The following SCHIP1 variants were observed in gnomAD, a reference collection of about 807,000 sequenced individuals.
SCHIP1 encodes the protein schwannomin interacting protein 1.
A neutral mutation model predicts 29.7 loss-of-function variants in SCHIP1; 8 were observed. That is an observed-to-expected ratio of 0.27 (90% CI 0.16 to 0.49). The LOEUF (loss-of-function observed/expected upper bound fraction) is 0.49, where lower values mean the gene tolerates loss of function less well. Ranked by LOEUF, SCHIP1 falls within the 20% of genes least tolerant of loss-of-function variation. SCHIP1 has a pLI of 0.99. For missense variants in SCHIP1, 193 were observed against 294.6 expected (o/e 0.66, Z 2.52); for synonymous variants, 76 against 94.9 (o/e 0.80, Z 1.16).
the SCHIP1 span, among the ~76,000 whole-genome samples, chr3:159,405,743 C>A: frequency 6.6e-6 from 1 of 151,894 alleles, no homozygotes; most frequent in East Asian, 1.9e-4. Context: ...ATTAGCTGGG[C>A]ATGGTGGCAC....
the SCHIP1 span, among the ~76,000 whole-genome samples, chr3:159,488,009 A>G: frequency 6.6e-6 from 1 of 152,200 alleles, no homozygotes; most frequent in Non-Finnish European, 1.5e-5. Context: ...GGGGGCAGGA[A>G]TTGTGCTTTT....
the SCHIP1 span, among the ~76,000 whole-genome samples, chr3:159,372,470 A>G: frequency 6.6e-6 from 1 of 152,134 alleles, no homozygotes; most frequent in East Asian, 1.9e-4. Flanking sequence ...TGCATTTTTT[A>G]GGATTTTAAA....
At chr3:159,606,308 G>A in the SCHIP1 span, among the ~76,000 whole-genome samples, 1 of 152,028 alleles carries the variant, frequency 6.6e-6, no homozygotes. Context: ...AAAGTGGGAA[G>A]GAGATGTATA....
chr3:159,492,288 A>C, the SCHIP1 span, among the ~76,000 whole-genome samples: 1 of 152,326 alleles, frequency 6.6e-6, no homozygotes, highest in African/African-American at 2.4e-5. Flanking sequence ...AGGCTTCAGA[A>C]GATCAAACTA....
chr3:159,555,781 C>T, the SCHIP1 span, among the ~76,000 whole-genome samples: 1 of 152,160 alleles, frequency 6.6e-6, no homozygotes, highest in Non-Finnish European at 1.5e-5. Flanking sequence ...TAATCTTGGA[C>T]ACATGTTTCT....
chr3:159,353,134 C>A, the SCHIP1 span, among the ~76,000 whole-genome samples: 2 of 151,972 alleles, frequency 1.3e-5, no homozygotes, highest in South Asian at 4.1e-4. Context: ...CAGCTAGTTG[C>A]CCCTGTACAT....
At chr3:159,274,012 C>A in the SCHIP1 span, 1 of 1,486,476 alleles carries the variant, frequency 6.7e-7, no homozygotes. Flanking sequence ...TTTTTAAATT[C>A]AGAATTAAGC....
chr3:159,629,398 C>T, the SCHIP1 span, among the ~76,000 whole-genome samples: 1 of 152,180 alleles, frequency 6.6e-6, no homozygotes, highest in Non-Finnish European at 1.5e-5. Flanking sequence ...TCACCCTGTC[C>T]CATTTTGGTA....
the SCHIP1 span, among the ~76,000 whole-genome samples, chr3:159,480,564 T>C: frequency 1.3e-5 from 2 of 152,198 alleles, no homozygotes; most frequent in Non-Finnish European, 2.9e-5. Flanking sequence ...TCTTTTCTTA[T>C]TGCTTATTCT....
At chr3:159,707,886 C>T in the SCHIP1 span, among the ~76,000 whole-genome samples, 1 of 152,274 alleles carries the variant, frequency 6.6e-6, no homozygotes, top group Non-Finnish European at 1.5e-5. Flanking sequence ...GGCAACTCAC[C>T]TGACCAAGGT....
the SCHIP1 span, among the ~76,000 whole-genome samples, chr3:159,729,111 G>T: frequency 6.6e-6 from 1 of 151,718 alleles, no homozygotes; most frequent in African/African-American, 2.4e-5. Context: ...TCACACCACT[G>T]CACTCCAGCC....
chr3:159,298,817 A>T, the SCHIP1 span, among the ~76,000 whole-genome samples: 5 of 152,230 alleles, frequency 3.3e-5, no homozygotes, highest in East Asian at 5.8e-4. Context: ...AAAAAATCAA[A>T]TTTTTTAAAA....
the SCHIP1 span, among the ~76,000 whole-genome samples, chr3:159,741,963 G>T: frequency 6.6e-6 from 1 of 152,178 alleles, no homozygotes; most frequent in Non-Finnish European, 1.5e-5. Context: ...GGGCACGGTG[G>T]GTCACACCTT....
chr3:159,494,774 T>G, the SCHIP1 span, among the ~76,000 whole-genome samples: 1 of 152,158 alleles, frequency 6.6e-6, no homozygotes, highest in Non-Finnish European at 1.5e-5. Context: ...ATCATCCTGA[T>G]AGCAAAGCCT....
chr3:159,539,235 A>AAATATAG, the SCHIP1 span, among the ~76,000 whole-genome samples: 13 of 83,420 alleles, frequency 1.6e-4, no homozygotes, highest in East Asian at 5.5e-4. Flanking sequence ...AATAATATGG[A>AAATATAG]TCAATTTTCA....
At chr3:159,494,625 C>G in the SCHIP1 span, among the ~76,000 whole-genome samples, 1 of 151,934 alleles carries the variant, frequency 6.6e-6, no homozygotes, top group African/African-American at 2.4e-5. Flanking sequence ...GCTTACTGAC[C>G]AAAAAAAGTC....
chr3:159,373,847 T>C, the SCHIP1 span, among the ~76,000 whole-genome samples: 1 of 152,174 alleles, frequency 6.6e-6, no homozygotes, highest in Non-Finnish European at 1.5e-5. Flanking sequence ...TTAGGTTGAC[T>C]TCATAACTTG....
chr3:159,399,471 A>G, the SCHIP1 span, among the ~76,000 whole-genome samples: 2 of 152,166 alleles, frequency 1.3e-5, no homozygotes, highest in Admixed American at 6.5e-5. Context: ...TTGGGACACA[A>G]TGAGTTCTCA....
At chr3:159,871,307 C>T (rs1715245502) in intron 2 of SCHIP1, among the ~76,000 whole-genome samples, 1 of 128,142 alleles carries the variant, frequency 7.8e-6, no homozygotes, top group Admixed American at 1.0e-4. Flanking sequence ...TTCTCGTACC[C>T]ATCACTTTGT....
Sources: gnomAD v4.1 joint callset for allele counts (sites outside exome capture counted in the v4.1 genomes callset) on GRCh38, gnomAD v4.1.1 for gene constraint, MANE v1.5 for transcripts, NCBI Gene and HGNC (gene_info 2026-07-23, HGNC 2026-07-21) for gene names.